Variants in PDE4A observed in about 807,000 individuals in gnomAD.
PDE4A encodes 3',5'-cyclic-AMP phosphodiesterase 4A.
In PDE4A, 21 loss-of-function variants were observed where a neutral mutation model predicts 73.9. That is an observed-to-expected ratio of 0.28 (90% CI 0.20 to 0.41). The LOEUF (loss-of-function observed/expected upper bound fraction) is 0.41, where lower values mean the gene tolerates loss of function less well. Ranked by LOEUF, PDE4A falls within the 10% of genes least tolerant of loss-of-function variation. The pLI is 1.00. For synonymous variants in PDE4A, 463 were observed against 505.4 expected, an observed-to-expected ratio of 0.92 and a Z score of 1.13; for missense variants, 958 against 1,211.4, an observed-to-expected ratio of 0.79 and a Z score of 3.10.
upstream of PDE4A, among the ~76,000 whole-genome samples, chr19:10,418,355 GGTACCCAACCAGTTTCCCAGA>G (rs2042607678): frequency 6.6e-6 from 1 of 152,158 alleles, no homozygotes; most frequent in African/African-American, 2.4e-5. Flanking sequence ...GGACCTTCCA[GGTACCCAACCAGTTTCCCAGA>G]GTACTCAACC....
At chr19:10,421,297 T>A in intron 1 of PDE4A, 1 of 985,284 alleles carries the variant, frequency 1.0e-6, no homozygotes, top group Non-Finnish European at 1.2e-6. Context: ...GGGGTCCATT[T>A]AGGGGGCGCC....
At position 10,453,736 on chromosome 19, in the gene PDE4A, C is replaced by G. The variant is rs1053916902; in HGVS notation, c.784-1093C>G. On this transcript the variant is annotated intron_variant, in intron 6 of 14. Coordinates refer to ENST00000380702, the MANE Select transcript of PDE4A (RefSeq NM_001111307.2). The surrounding 1 kb of genome is among the most constrained non-coding windows in gnomAD (Gnocchi z 4.6). The stretch of plus-strand genomic sequence containing the variant: ...GACATGTGACCCCAAATGTCAGTGA[C>G]CGCCTTATTTTGCATGCCCTTTGAT... Among the ~76,000 whole-genome samples the G allele has an allele frequency of 6.6e-6, 1 of 152,106 alleles. No individual in the cohort carries two copies. Among genetic ancestry groups the G allele is most frequent in the African/African-American group, 2.4e-5 (1 of 41,410 alleles).
At position 10,461,900 on chromosome 19, in the gene PDE4A, G is replaced by A; in HGVS notation, c.1644G>A (p.Lys548=). The change falls in exon 13 of 15, where the codon AAG becomes AAA. Residue 548 remains lysine (K), a synonymous_variant. Transcript: ENST00000380702. ...IDMVLATDMS[K]HMTLLADLKT... is the part of the protein sequence containing the mutation. ...AGGTGCTGGCCACGGACATGTCCAA[G>A]CACATGACCCTCCTGGCTGACCTGA... The A allele has an allele frequency of 6.2e-7, 1 of 1,614,006 alleles. No individual in the cohort carries two copies.
Position 10,453,379 on chromosome 19 carries a change from C to A in PDE4A, c.784-1450C>A. 1.3e-6 allele frequency: 2 copies of A among 1,583,764 alleles called. No individual in the cohort carries two copies. The highest frequency in any genetic ancestry group is 1.7e-6 in the Non-Finnish European group (2 of 1,168,060). ...GGGCGGGCATCCTGGTGAGCTGGGC[C>A]CCCGGTGTGGGCTTGTGTGTGCAGC... On this transcript the variant is annotated intron_variant, in intron 6 of 14. Transcript: ENST00000380702. This position sits in a 1 kb window ranked among gnomAD's most constrained non-coding sequence, Gnocchi z 4.6.
chr19:10,454,695 A>G, intron 6 of PDE4A, 134 bp from the exon 7 acceptor site: 3 of 1,491,172 alleles, frequency 2.0e-6, no homozygotes, highest in Non-Finnish European at 2.7e-6. Flanking sequence ...CAGCAGTCTT[A>G]TAGGGGCTCT....
Position 10,461,606 on chromosome 19 carries a change from G to C in PDE4A, c.1546G>C (p.Glu516Gln), listed in dbSNP as rs1184710573. 1 of 1,612,684 alleles carries C rather than the reference G, an allele frequency of 6.2e-7. No individual in the cohort carries two copies. Among genetic ancestry groups the C allele is most frequent in the African/African-American group, 1.3e-5 (1 of 74,778 alleles). ...GGCCGTGGGCTTCAAGCTGCTGCAG[G>C]AGGACAACTGCGACATCTTCCAGAA... ...HLAVGFKLLQ[E>Q]DNCDIFQNLS... Residue 516 changes from glutamate (E) to glutamine (Q), a missense_variant, in exon 12 of 15, where the codon GAG becomes CAG. By Grantham distance (29) the Glu-to-Gln change is conservative (BLOSUM62 2). This residue lies in a region of PDE4A where 570 missense variants were observed against 827.7 expected (regional missense o/e 0.69). Transcript: ENST00000380702.
intron 7 of PDE4A, among the ~76,000 whole-genome samples, chr19:10,455,126 C>T (rs576508154): frequency 6.6e-6 from 1 of 152,302 alleles, no homozygotes; most frequent in Non-Finnish European, 1.5e-5. Context: ...TAGAGCCCAA[C>T]ATCTGAAATC....
intron 11 of PDE4A, 131 bp from the exon 12 acceptor site, chr19:10,461,395 G>T: frequency 1.3e-6 from 2 of 1,511,686 alleles, no homozygotes; most frequent in Non-Finnish European, 1.8e-6. Flanking sequence ...CCGGGCTGGG[G>T]TAGAGCTGAC....
At chr19:10,444,670 A>ATTT (rs552364395) in intron 1 of PDE4A, among the ~76,000 whole-genome samples, 1 of 135,420 alleles carries the variant, frequency 7.4e-6, no homozygotes, top group African/African-American at 2.7e-5. Context: ...TGTGTCTGAG[A>ATTT]TTTTTTTTTT....
At chr19:10,466,361 C>T (rs1398337677) in intron 14 of PDE4A, among the ~76,000 whole-genome samples, 2 of 140,462 alleles carry the variant, frequency 1.4e-5, no homozygotes, top group Non-Finnish European at 3.0e-5. Flanking sequence ...AGGAGAATGG[C>T]GTGAGCCCGG....
intron 1 of PDE4A, among the ~76,000 whole-genome samples, chr19:10,439,537 ATTGT>A (rs2042909515): frequency 6.6e-6 from 1 of 151,950 alleles, no homozygotes; most frequent in African/African-American, 2.4e-5. Flanking sequence ...GTAGGAATGG[ATTGT>A]TTGTGAGTGG....
chr19:10,438,519 T>C, intron 1 of PDE4A, among the ~76,000 whole-genome samples: 1 of 152,158 alleles, frequency 6.6e-6, no homozygotes, highest in South Asian at 2.1e-4. Context: ...TGAGTTTGAG[T>C]ACTCCAGGGA....
chr19:10,424,378 G>A lies in PDE4A; in HGVS notation c.320+3294G>A, dbSNP rs1014719195. Among the ~76,000 whole-genome samples the A allele has an allele frequency of 1.3e-5, 2 of 152,212 alleles. No individual in the cohort carries two copies. Among genetic ancestry groups the A allele is most frequent in the Non-Finnish European group, 1.5e-5 (1 of 68,034 alleles). On this transcript the variant is annotated intron_variant, in intron 1 of 14. Coordinates refer to ENST00000380702, the MANE Select transcript of PDE4A (RefSeq NM_001111307.2). The surrounding 1 kb of genome is among the most constrained non-coding windows in gnomAD (Gnocchi z 4.8). ...TGGAGGCAGCCGAGCTGGGGTATCC[G>A]TCTGGTCGCTGGTCTCTGTCTCCAC...
chr19:10,420,779 C>T lies in PDE4A; in HGVS notation c.15C>T (p.Thr5=). The T allele has an allele frequency of 6.4e-7, 1 of 1,573,986 alleles. No individual in the cohort carries two copies. The highest frequency in any genetic ancestry group is 8.5e-7 in the Non-Finnish European group (1 of 1,169,874). The part of the protein sequence containing the change: MEPP[T]VPSERSLSLS... Reference sequence around the variant, plus strand: ...GGGCCGGCGCCATGGAACCCCCGACCGTCCCCTCGGAAAGGAGCCTGTCTC... The same window carrying T: ...GGGCCGGCGCCATGGAACCCCCGACTGTCCCCTCGGAAAGGAGCCTGTCTC... The change falls in exon 1 of 15, where the codon ACC becomes ACT. Residue 5 remains threonine, a synonymous_variant. Coordinates refer to ENST00000380702, the MANE Select transcript of PDE4A (RefSeq NM_001111307.2). This position sits in a 1 kb window ranked among gnomAD's most constrained non-coding sequence, Gnocchi z 6.0.
At chr19:10,419,050 G>T, upstream of PDE4A, 2 of 969,310 alleles carry the variant, frequency 2.1e-6, no homozygotes, top group Non-Finnish European at 2.4e-6. Flanking sequence ...GTTGAAGACC[G>T]GCAGTCTTTT....
chr19:10,450,009 A>G (rs1262524804), intron 4 of PDE4A, among the ~76,000 whole-genome samples: 1 of 151,998 alleles, frequency 6.6e-6, no homozygotes, highest in African/African-American at 2.4e-5. Flanking sequence ...GCAGGAGGAT[A>G]GTTTTGAGCC....
chr19:10,455,389 AG>A lies in PDE4A; in HGVS notation c.877+472del, dbSNP rs544817439. On this transcript the variant is annotated intron_variant, in intron 7 of 14. Transcript: ENST00000380702. ...TCAGGCAGGAGAATCGCTTGAACCCAGGGGGTGGAGGTTGCAGTGAGCCGAG... is the reference window on the plus strand; with the variant it reads ...TCAGGCAGGAGAATCGCTTGAACCCAGGGGTGGAGGTTGCAGTGAGCCGAG... Among the ~76,000 whole-genome samples, 16 of 150,232 alleles carry A rather than the reference AG, an allele frequency of 1.1e-4. No homozygotes were observed. The South Asian group carries it at 3.1e-3, about 30-fold the overall frequency.
rs151161995 is a variant in PDE4A, at chr19:10,462,470, T to A, written c.1743+471T>A. Among the ~76,000 whole-genome samples, 35 of 151,684 alleles carry A rather than the reference T, an allele frequency of 2.3e-4. No individual in the cohort carries two copies. In the East Asian group the frequency reaches 4.1e-3, roughly 18 times the overall value. On this transcript the variant is annotated intron_variant, in intron 13 of 14. Coordinates refer to ENST00000380702, the MANE Select transcript of PDE4A (RefSeq NM_001111307.2). ...GCCACCGCGCTCAGCCCTCTTTTTT[T>A]AAATTTATTTTTATTTACTTTGTAT... is the stretch of plus-strand genomic sequence containing the variant.
At chr19:10,416,987 C>T (rs1271259503), upstream of PDE4A, 4 of 1,539,996 alleles carry the variant, frequency 2.6e-6, no homozygotes, top group East Asian at 4.8e-5. Flanking sequence ...GGACCGGGGA[C>T]GAGGTGCGAG....
Sources: allele counts gnomAD v4.1 joint callset (sites outside exome capture counted in the v4.1 genomes callset), GRCh38; gene constraint gnomAD v4.1.1; regional missense constraint gnomAD v4.1.1; non-coding constraint Gnocchi (gnomAD v3.1); transcripts MANE v1.5; gene names NCBI Gene and HGNC (gene_info 2026-07-23, HGNC 2026-07-21).